Variants in ADGRG6 observed in about 807,000 individuals in gnomAD.
ADGRG6 encodes the protein adhesion G protein-coupled receptor G6, also known as G-protein coupled receptor 126.
ADGRG6 carries 84 observed loss-of-function variants against 142.4 expected under a neutral mutation model. The observed-to-expected ratio is 0.59, with a 90% confidence interval of 0.49 to 0.71. ADGRG6 has a LOEUF of 0.71. Among genes scored for constraint, ADGRG6 ranks in the 30% least tolerant of loss-of-function variants. The pLI is 0.00. For missense variants in ADGRG6, 1,367 were observed against 1,466.6 expected, an observed-to-expected ratio of 0.93 and a Z score of 1.11; for synonymous variants, 521 against 520.5, an observed-to-expected ratio of 1.00 and a Z score of -0.01.
At chr6:142,336,179 G>C (rs1481199108) in intron 2 of ADGRG6, among the ~76,000 whole-genome samples, 1 of 152,112 alleles carries the variant, frequency 6.6e-6, no homozygotes, top group African/African-American at 2.4e-5. Context: ...AAGGATAAAG[G>C]CTTTATGTGG....
At chr6:142,425,639 T>A (rs891006025) in intron 22 of ADGRG6, among the ~76,000 whole-genome samples, 4 of 152,126 alleles carry the variant, frequency 2.6e-5, no homozygotes, top group Non-Finnish European at 5.9e-5. Flanking sequence ...CCATGTAATG[T>A]TATGGAGGCG....
intron 6 of ADGRG6, among the ~76,000 whole-genome samples, chr6:142,387,890 G>T (rs1782109211): frequency 6.6e-6 from 1 of 152,108 alleles, no homozygotes; most frequent in East Asian, 1.9e-4. Flanking sequence ...CCCAATTAAT[G>T]TCTATAATAA....
At chr6:142,374,577 C>G (rs535317262) in intron 4 of ADGRG6, among the ~76,000 whole-genome samples, 1 of 152,210 alleles carries the variant, frequency 6.6e-6, no homozygotes, top group East Asian at 1.9e-4. Flanking sequence ...CTCCAGCCCC[C>G]TTTTTGTCTT....
chr6:142,415,934 G>A lies in ADGRG6; in HGVS notation c.2808G>A (p.Leu936=), dbSNP rs1440641270. 6.2e-7 allele frequency: 1 copy of A among 1,613,548 alleles called. No individual in the cohort carries two copies. The highest frequency in any genetic ancestry group is 8.5e-7 in the Non-Finnish European group (1 of 1,179,726). The part of the protein sequence containing the change: ...VDGLCIAVAV[L]LHFFLLATFT... ...GACTTTGCATTGCTGTTGCAGTCCT[G>A]TTGCATTTCTTCCTTCTGGCAACCT... Residue 936 remains leucine, a synonymous_variant, in exon 20 of 25, where the codon CTG becomes CTA. Coordinates refer to ENST00000367609, the MANE Select transcript of ADGRG6 (RefSeq NM_198569.3).
chr6:142,387,444 A>G (rs1782087511), intron 6 of ADGRG6, among the ~76,000 whole-genome samples: 1 of 152,212 alleles, frequency 6.6e-6, no homozygotes, highest in South Asian at 2.1e-4. Context: ...ATTTGAATGG[A>G]TCCATTACTC....
chr6:142,330,523 A>G (rs1426226629), intron 2 of ADGRG6, among the ~76,000 whole-genome samples: 1 of 152,174 alleles, frequency 6.6e-6, no homozygotes, highest in African/African-American at 2.4e-5. Flanking sequence ...CCCTCAATGT[A>G]ATATACTAGG....
rs114933659 is a variant in ADGRG6, at chr6:142,350,365, A to G, written c.104-17204A>G. Among the ~76,000 whole-genome samples, 732 of 152,308 alleles carry G rather than the reference A, an allele frequency of 4.8e-3. 9 individuals carry two copies. Among genetic ancestry groups the G allele is most frequent in the African/African-American group, 0.017 (694 of 41,552 alleles). On this transcript the variant is annotated intron_variant, in intron 2 of 24. Transcript: ENST00000367609. ...TTGGTATCTCTGGCCCTTGGCTTTT[A>G]CATTTCAAAAATGAAGTGCACAAGG...
intron 22 of ADGRG6, among the ~76,000 whole-genome samples, chr6:142,425,414 G>A (rs572330760): frequency 6.6e-6 from 1 of 152,148 alleles, no homozygotes; most frequent in African/African-American, 2.4e-5. Context: ...TCATTGATTT[G>A]CTCATTAAAC....
chr6:142,335,793 G>A (rs563502654), intron 2 of ADGRG6, among the ~76,000 whole-genome samples: 2 of 152,078 alleles, frequency 1.3e-5, no homozygotes, highest in South Asian at 4.2e-4. Context: ...CAGAGAAGAA[G>A]GTGTTATAGA....
At chr6:142,386,511 A>G (rs190634312) in intron 6 of ADGRG6, among the ~76,000 whole-genome samples, 114 of 152,326 alleles carry the variant, frequency 7.5e-4, no homozygotes, top group Non-Finnish European at 1.3e-3. Context: ...CTGCAGTCTT[A>G]GTGGCGGTGG....
In ADGRG6 at chr6:142,313,458, C is replaced by A. The variant is rs974800185; in HGVS notation, c.103+3814C>A. 3.9e-5 allele frequency among the ~76,000 whole-genome samples: 6 copies of A among 152,072 alleles called. No homozygotes were observed. In the East Asian group the frequency reaches 1.2e-3, roughly 29 times the overall value. ...ACCAGGAGCTTGTTTCCACACAGAT[C>A]GTCTTAGTCATGAGCAGTGCAGGAG... On this transcript the variant is annotated intron_variant, in intron 2 of 24. Coordinates refer to ENST00000367609, the MANE Select transcript of ADGRG6 (RefSeq NM_198569.3).
chr6:142,388,222 C>T (rs1008304040), intron 6 of ADGRG6, among the ~76,000 whole-genome samples: 5 of 152,116 alleles, frequency 3.3e-5, no homozygotes, highest in African/African-American at 1.2e-4. Context: ...GTTGACTGCA[C>T]TATTCCAAAA....
At chr6:142,419,416 T>C (rs1319995483) in intron 21 of ADGRG6, among the ~76,000 whole-genome samples, 2 of 152,126 alleles carry the variant, frequency 1.3e-5, no homozygotes, top group Non-Finnish European at 2.9e-5. Flanking sequence ...TATCACTTTA[T>C]AAAACGATGT....
intron 2 of ADGRG6, among the ~76,000 whole-genome samples, chr6:142,344,844 C>G (rs1450141268): frequency 6.6e-6 from 1 of 151,924 alleles, no homozygotes; most frequent in African/African-American, 2.4e-5. Flanking sequence ...TTGTGGCCAT[C>G]AAGTTGTTTT....
At chr6:142,439,420 AG>A (rs1777636649) in intron 24 of ADGRG6, among the ~76,000 whole-genome samples, 1 of 152,202 alleles carries the variant, frequency 6.6e-6, no homozygotes, top group African/African-American at 2.4e-5. Flanking sequence ...TTTTGCAAAT[AG>A]GGAGTAAGGT....
intron 10 of ADGRG6, among the ~76,000 whole-genome samples, chr6:142,399,020 A>C (rs1775361062): frequency 6.6e-6 from 1 of 152,248 alleles, no homozygotes; most frequent in Admixed American, 6.5e-5. Flanking sequence ...AGTCTGCATG[A>C]GAATATTTTA....
chr6:142,322,995 G>C (rs1207651548), intron 2 of ADGRG6, among the ~76,000 whole-genome samples: 2 of 152,064 alleles, frequency 1.3e-5, no homozygotes, highest in Non-Finnish European at 2.9e-5. Flanking sequence ...AGTGTTATTT[G>C]TTCTGCCCTG....
At chr6:142,382,959 A>G (rs1472941537) in intron 5 of ADGRG6, among the ~76,000 whole-genome samples, 1 of 152,008 alleles carries the variant, frequency 6.6e-6, no homozygotes, top group Non-Finnish European at 1.5e-5. Context: ...TTTCTTTGAT[A>G]TTATTATTAA....
intron 6 of ADGRG6, among the ~76,000 whole-genome samples, chr6:142,386,859 C>T (rs1364857571): frequency 6.6e-6 from 1 of 152,132 alleles, no homozygotes; most frequent in East Asian, 1.9e-4. Context: ...CACACCCACA[C>T]CCACTCACAC....
Sources: gnomAD v4.1 joint callset for allele counts (sites outside exome capture counted in the v4.1 genomes callset) on GRCh38, gnomAD v4.1.1 for gene constraint, MANE v1.5 for transcripts, NCBI Gene and HGNC (gene_info 2026-07-23, HGNC 2026-07-21) for gene names.